Variants in GLS observed in about 807,000 individuals in gnomAD.
GLS encodes the protein glutaminase kidney isoform, mitochondrial.
A neutral mutation model predicts 86.7 loss-of-function variants in GLS; 36 were observed. The ratio of observed to expected loss-of-function variants is 0.42; its 90% CI spans 0.32 to 0.55. The LOEUF (loss-of-function observed/expected upper bound fraction) is 0.55. GLS is among the 20% of genes least tolerant of loss of function. GLS has a pLI of 0.17. For missense variants in GLS, 528 were observed against 833.4 expected, an observed-to-expected ratio of 0.63 and a Z score of 4.51; for synonymous variants, 317 against 305.9, an observed-to-expected ratio of 1.04 and a Z score of -0.38.
rs986566661 is a variant in GLS, at chr2:190,933,696, A to G, written c.1650+2059A>G. 1.1e-5 allele frequency: 10 copies of G among 935,690 alleles called. No individual in the cohort carries two copies. The African/African-American group carries it at 1.6e-4, about 15-fold the overall frequency. 58.0% of individuals were successfully genotyped at this position (935,690 alleles called of 1,614,324 possible). A position where few individuals can be genotyped will look rare whatever the true frequency, so the allele number is the denominator to read the frequency against. ...ACAATTTTATTTTCATATTATCCAC[A>G]TAACTTTTTCTATGTTATATTTAAA... On this transcript the variant is annotated intron_variant, in intron 14 of 17. Coordinates refer to ENST00000320717, the MANE Select transcript of GLS (RefSeq NM_014905.5).
intron 6 of GLS, among the ~76,000 whole-genome samples, chr2:190,906,861 C>T (rs367754736): frequency 6.6e-6 from 1 of 151,332 alleles, no homozygotes; most frequent in Non-Finnish European, 1.5e-5. Context: ...ATTACTGTTA[C>T]ACCAGCTTTA....
Position 190,921,101 on chromosome 2 carries a change from T to TA in GLS, c.1072-43dup, listed in dbSNP as rs760632438. On this transcript the variant is annotated intron_variant, in intron 8 of 17. Transcript: ENST00000320717. The surrounding 1 kb of genome is among the most constrained non-coding windows in gnomAD (Gnocchi z 4.2). ...CAGTTTTCATGCCACATTCTCTATA[T>TA]ATTTGTTTTTTGATTACTAATATTC... is the stretch of plus-strand genomic sequence containing the variant. 1.0e-5 allele frequency: 16 copies of TA among 1,578,302 alleles called. No individual in the cohort carries two copies. The East Asian group carries it at 3.6e-4, about 35-fold the overall frequency.
rs6729740 is a variant in GLS, at chr2:190,942,232, T to C, written c.1650+10595T>C. On this transcript the variant is annotated intron_variant, in intron 14 of 17. Transcript: ENST00000320717. ...GTAGCTGGGATTACAGGGGCCTGCC[T>C]CCACGCCTGGCTAATTTTTTGTATT... Among the ~76,000 whole-genome samples the C allele has an allele frequency of 1.5e-3, 227 of 151,572 alleles. 1 individual carries two copies. The highest frequency in any genetic ancestry group is 5.4e-3 in the African/African-American group (222 of 41,362).
At position 190,895,642 on chromosome 2, in the gene GLS, G is replaced by A. The variant is rs1688707022; in HGVS notation, c.522G>A (p.Arg174=). ...KSTGLRTSDP[R]LKECMDMLRL... ...CAGGATTGCGAACGTCTGATCCCAGGTTGAAAGAGTGTATGGATATGTTAA... is the reference window on the plus strand; with the variant it reads ...CAGGATTGCGAACGTCTGATCCCAGATTGAAAGAGTGTATGGATATGTTAA... Residue 174 remains arginine, a synonymous_variant, in exon 3 of 18, where the codon AGG becomes AGA. Transcript: ENST00000320717. This position sits in a 1 kb window ranked among gnomAD's most constrained non-coding sequence, Gnocchi z 4.2. 1 of 1,604,178 alleles carries A rather than the reference G, an allele frequency of 6.2e-7. No individual in the cohort carries two copies. The highest frequency in any genetic ancestry group is 8.5e-7 in the Non-Finnish European group (1 of 1,171,924).
rs1163147039 is a variant in GLS at position 190,935,193 on chromosome 2, T to G, written c.1650+3556T>G. The G allele has an allele frequency of 5.6e-6, 5 of 890,342 alleles. No individual in the cohort carries two copies. Among genetic ancestry groups the G allele is most frequent in the Admixed American group, 6.2e-5 (1 of 16,044 alleles). 55.2% of individuals were successfully genotyped at this position (890,342 alleles called of 1,614,324 possible). A position where few individuals can be genotyped will look rare whatever the true frequency, so the allele number is the denominator to read the frequency against. Reference sequence around the variant, plus strand: ...TAGTGTTTGGATGAAAACATTTGTGTTGTTTAGCTTTCATTTGCTTTGTAT... The same window carrying G: ...TAGTGTTTGGATGAAAACATTTGTGGTGTTTAGCTTTCATTTGCTTTGTAT... On this transcript the variant is annotated intron_variant, in intron 14 of 17. Transcript: ENST00000320717. The surrounding 1 kb of genome is among the most constrained non-coding windows in gnomAD (Gnocchi z 4.2).
chr2:190,932,710 A>G (rs1350069754), intron 14 of GLS: 6 of 1,583,268 alleles, frequency 3.8e-6, no homozygotes, highest in Non-Finnish European at 4.3e-6. Context: ...TTGCTTGAAC[A>G]ACTAGCATTC....
intron 1 of GLS, among the ~76,000 whole-genome samples, chr2:190,887,618 A>G (rs573553760): frequency 1.1e-4 from 16 of 152,120 alleles, no homozygotes; most frequent in Non-Finnish European, 2.2e-4. Context: ...TCAATTCTTG[A>G]TGGTAAACTT....
chr2:190,906,763 G>C (rs1162318730), intron 6 of GLS, among the ~76,000 whole-genome samples: 1 of 151,772 alleles, frequency 6.6e-6, no homozygotes, highest in South Asian at 2.1e-4. Flanking sequence ...AAATTGCAAG[G>C]GTAGATTTTT....
chr2:190,923,896 TG>T lies in GLS; in HGVS notation c.1131-20del. 3 of 1,464,396 alleles carry T rather than the reference TG, an allele frequency of 2.0e-6. No homozygotes were observed. The highest frequency in any genetic ancestry group is 1.8e-5 in the Admixed American group (1 of 56,192). The allele number at this position is 1,464,396 out of a possible 1,614,324, so 90.7% of individuals were successfully genotyped here. A position where few individuals can be genotyped will look rare whatever the true frequency, so the allele number is the denominator to read the frequency against. ...TTTTAAAGAAAGTACATAGAGCAAA[TG>T]TTTTTTTTTCTTCTTCCAGGTTTCA... is the stretch of plus-strand genomic sequence containing the variant. On this transcript the variant is annotated intron_variant, in intron 9 of 17. Coordinates refer to ENST00000320717, the MANE Select transcript of GLS (RefSeq NM_014905.5).
rs150875223 is a variant in GLS at position 190,947,983 on chromosome 2, A to G, written c.1651-5582A>G. Among the ~76,000 whole-genome samples the G allele has an allele frequency of 1.1e-3, 165 of 152,346 alleles. 1 individual carries two copies. The highest frequency in any genetic ancestry group is 3.7e-3 in the African/African-American group (154 of 41,582). The stretch of plus-strand genomic sequence containing the variant: ...TCTGTTGTCTCAAAAGTGTTAAACT[A>G]GTTTCATTTTCTTTTGTGGCATTCT... On this transcript the variant is annotated intron_variant, in intron 14 of 17. Transcript: ENST00000320717. The surrounding 1 kb of genome is among the most constrained non-coding windows in gnomAD (Gnocchi z 5.0).
intron 1 of GLS, among the ~76,000 whole-genome samples, chr2:190,887,774 T>A (rs1163567919): frequency 6.6e-6 from 1 of 152,170 alleles, no homozygotes; most frequent in East Asian, 1.9e-4. Context: ...TAGAGAAAAA[T>A]GGAGAAAAAC....
chr2:190,952,676 C>T (rs1482046963), intron 14 of GLS, among the ~76,000 whole-genome samples: 1 of 152,136 alleles, frequency 6.6e-6, no homozygotes, highest in East Asian at 1.9e-4. Context: ...AACTTGTTTT[C>T]TACCATTGAG....
rs1691029238 is a variant in GLS at position 190,962,566 on chromosome 2, G to C, written c.1854-264G>C. On this transcript the variant is annotated intron_variant, in intron 17 of 17. Coordinates refer to ENST00000320717, the MANE Select transcript of GLS (RefSeq NM_014905.5). The surrounding 1 kb of genome is among the most constrained non-coding windows in gnomAD (Gnocchi z 4.2). ...TCACCACAAGGACTTTCCTTAAAAA[G>C]CTCCCTCCATAAGCACTTGGATGTG... Among the ~76,000 whole-genome samples, 1 of 152,134 alleles carries C rather than the reference G, an allele frequency of 6.6e-6. No homozygotes were observed. The highest frequency in any genetic ancestry group is 2.4e-5 in the African/African-American group (1 of 41,422).
chr2:190,920,793 T>C lies in GLS; in HGVS notation c.1039-231T>C, dbSNP rs768559508. The stretch of plus-strand genomic sequence containing the variant: ...TGTAACTTTGGGTTGGGTAAAGATA[T>C]ACTTAAAATAAAGCATTCCCTTTGT... On this transcript the variant is annotated intron_variant, in intron 7 of 17. Coordinates refer to ENST00000320717, the MANE Select transcript of GLS (RefSeq NM_014905.5). The surrounding 1 kb of genome is among the most constrained non-coding windows in gnomAD (Gnocchi z 4.2). Among the ~76,000 whole-genome samples the C allele has an allele frequency of 3.3e-5, 5 of 151,804 alleles. No homozygotes were observed. Among genetic ancestry groups the C allele is most frequent in the Admixed American group, 2.0e-4 (3 of 15,232 alleles).
In GLS at chr2:190,886,636, C is replaced by T. The variant is rs566484376; in HGVS notation, c.386+5166C>T. Among the ~76,000 whole-genome samples, 23 of 152,284 alleles carry T rather than the reference C, an allele frequency of 1.5e-4. 1 individual carries two copies. The highest frequency in any genetic ancestry group is 1.5e-3 in the Admixed American group (23 of 15,298). Reference sequence around the variant, plus strand: ...AAAAAGTTATTTAAAAGAAATCAGGCTGGGCGTGGTGGCTCATGCCCGTAA... The same window carrying T: ...AAAAAGTTATTTAAAAGAAATCAGGTTGGGCGTGGTGGCTCATGCCCGTAA... On this transcript the variant is annotated intron_variant, in intron 1 of 17. Coordinates refer to ENST00000320717, the MANE Select transcript of GLS (RefSeq NM_014905.5).
At chr2:190,911,584 C>G (rs1297608374) in intron 7 of GLS, among the ~76,000 whole-genome samples, 3 of 152,056 alleles carry the variant, frequency 2.0e-5, no homozygotes, top group African/African-American at 2.4e-5. Context: ...AGGTAGCTTA[C>G]TTTGTAGTGT....
chr2:190,937,761 G>C (rs1474924299), intron 14 of GLS, among the ~76,000 whole-genome samples: 1 of 150,142 alleles, frequency 6.7e-6, no homozygotes, highest in African/African-American at 2.4e-5. Flanking sequence ...ATGGCTTCCT[G>C]ATCCATTAAC....
rs1160200945 is a variant in GLS, at chr2:190,914,135, A to T, written c.1038+3814A>T. Among the ~76,000 whole-genome samples, 1 of 152,204 alleles carries T rather than the reference A, an allele frequency of 6.6e-6. No homozygotes were observed. Among genetic ancestry groups the T allele is most frequent in the East Asian group, 1.9e-4 (1 of 5,200 alleles). On this transcript the variant is annotated intron_variant, in intron 7 of 17. Transcript: ENST00000320717. The surrounding 1 kb of genome is among the most constrained non-coding windows in gnomAD (Gnocchi z 4.4). ...GTTTCCAGTTTTTGTCATTTAAAGA[A>T]GTTCAATTTTCTTTTTAATCAAAAG...
chr2:190,901,897 A>G, intron 4 of GLS, 50 bp from the exon 5 acceptor site: 1 of 1,128,100 alleles, frequency 8.9e-7, no homozygotes, highest in Non-Finnish European at 1.4e-6. Flanking sequence ...AAGAAAATAC[A>G]TTATTTGTCA....
Sources: allele counts gnomAD v4.1 joint callset (sites outside exome capture counted in the v4.1 genomes callset), GRCh38; gene constraint gnomAD v4.1.1; non-coding constraint Gnocchi (gnomAD v3.1); transcripts MANE v1.5; gene names NCBI Gene and HGNC (gene_info 2026-07-23, HGNC 2026-07-21).